TNS1: variants seen among roughly 807,000 people sequenced by gnomAD.
The protein encoded by TNS1 is tensin 1.
TNS1 carries 62 observed loss-of-function variants against 168.6 expected under a neutral mutation model. The ratio of observed to expected loss-of-function variants is 0.37; its 90% CI spans 0.30 to 0.45. TNS1 has a LOEUF of 0.45. Ranked by LOEUF, TNS1 falls within the 20% of genes least tolerant of loss-of-function variation. The probability of loss-of-function intolerance (pLI) is 1.00; values close to 1 mark genes in which losing one functional copy is unlikely to be tolerated. For synonymous variants in TNS1, 934 were observed against 933.2 expected (o/e 1.00, Z -0.02); for missense variants, 2,240 against 2,339.4 (o/e 0.96, Z 0.88).
chr2:217,906,278 CAT>C, intron 6 of TNS1, 55 bp downstream of exon 6: 2 of 668,880 alleles, frequency 3.0e-6, no homozygotes, highest in Non-Finnish European at 5.5e-6. Flanking sequence ...CACCCCACCC[CAT>C]TCCCCCTGGC....
rs761837861 is a variant in TNS1, at chr2:217,848,275, A to T, written c.2242T>A (p.Ser748Thr). The T allele has an allele frequency of 2.5e-5, 38 of 1,548,830 alleles. No individual in the cohort carries two copies. The highest frequency in any genetic ancestry group is 3.3e-5 in the Non-Finnish European group (38 of 1,147,094). Reference sequence around the variant, plus strand: ...GGGGGCAGCTGGGGTTCAGCTTCCGAAAAGGATTGAGAGCGGAACATACCG... The same window carrying T: ...GGGGGCAGCTGGGGTTCAGCTTCCGTAAAGGATTGAGAGCGGAACATACCG... ...PSGMFRSQSF[S>T]EAEPQLPPAP... The change falls in exon 19 of 33, where the codon TCG becomes ACG. Residue 748 changes from serine (S) to threonine (T), a missense_variant. Coordinates refer to ENST00000682258, the MANE Select transcript of TNS1 (RefSeq NM_001387777.1).
At chr2:217,812,694 C>T (rs1397260693) in intron 27 of TNS1, among the ~76,000 whole-genome samples, 2 of 152,170 alleles carry the variant, frequency 1.3e-5, no homozygotes, top group African/African-American at 2.4e-5. Flanking sequence ...CTCCTAACAT[C>T]GCTCCTAATG....
intron 6 of TNS1, among the ~76,000 whole-genome samples, chr2:217,906,118 G>A (rs564953595): frequency 6.6e-5 from 10 of 152,168 alleles, no homozygotes; most frequent in African/African-American, 1.7e-4. Context: ...TGGCGCAGTC[G>A]CTGATGAATG....
chr2:217,980,135 T>A lies in TNS1; in HGVS notation c.149-1333A>T, dbSNP rs574532250. 3.3e-5 allele frequency among the ~76,000 whole-genome samples: 5 copies of A among 152,126 alleles called. 1 individual carries two copies. In the South Asian group the frequency reaches 1.0e-3, roughly 32 times the overall value. On this transcript the variant is annotated intron_variant, in intron 2 of 32. Transcript: ENST00000682258. The stretch of plus-strand genomic sequence containing the variant: ...CTTGGCCACTGGCCCTAACATGGGA[T>A]CTTCTTCTCTCAGAACCTAGTCCTG...
chr2:217,957,190 T>C (rs1271166598), intron 3 of TNS1, among the ~76,000 whole-genome samples: 2 of 151,496 alleles, frequency 1.3e-5, no homozygotes, highest in Non-Finnish European at 2.9e-5. Flanking sequence ...AGTGGCCCCA[T>C]GGTGGCCAGC....
At chr2:217,940,659 C>T (rs1431563122) in intron 3 of TNS1, among the ~76,000 whole-genome samples, 2 of 152,158 alleles carry the variant, frequency 1.3e-5, no homozygotes, top group Non-Finnish European at 2.9e-5. Context: ...TGAGGGGGCT[C>T]CCCTGGTCGG....
At chr2:217,862,653 A>G (rs1948891045) in intron 18 of TNS1, among the ~76,000 whole-genome samples, 1 of 127,980 alleles carries the variant, frequency 7.8e-6, no homozygotes, top group South Asian at 2.3e-4. Context: ...ACCCGATTTC[A>G]TCTGTCCAAG....
In TNS1 at chr2:217,802,853, A is replaced by G. The variant is rs1937671408; in HGVS notation, c.*1606T>C. ...GTATGTCTCATGTATATATTATATA[A>G]TATTTATATATCAGTACAATGCCTC... On this transcript the variant is annotated 3_prime_UTR_variant, in exon 33 of 33. Coordinates refer to ENST00000682258, the MANE Select transcript of TNS1 (RefSeq NM_001387777.1). 1 of 152,628 alleles carries G rather than the reference A, an allele frequency of 6.6e-6. No individual in the cohort carries two copies. Among genetic ancestry groups the G allele is most frequent in the African/African-American group, 2.4e-5 (1 of 41,434 alleles). 9.5% of individuals were successfully genotyped at this position (152,628 alleles called of 1,614,324 possible).
chr2:217,847,625 G>T lies in TNS1; in HGVS notation c.2892C>A (p.Leu964=). The change falls in exon 19 of 33, where the codon CTC becomes CTA. Residue 964 remains leucine, a synonymous_variant. Transcript: ENST00000682258. ...PPGPQQPPAS[L]PGLTAQPLLS... is the part of the protein sequence containing the mutation. ...GCAGAGGCTGAGCAGTGAGGCCAGG[G>T]AGAGAGGCTGGGGGTTGCTGAGGCC... 1.3e-6 allele frequency: 2 copies of T among 1,579,778 alleles called. No homozygotes were observed. Among genetic ancestry groups the T allele is most frequent in the Non-Finnish European group, 1.7e-6 (2 of 1,154,992 alleles).
upstream of TNS1, among the ~76,000 whole-genome samples, chr2:218,003,634 T>C (rs140175743): frequency 2.0e-5 from 3 of 152,064 alleles, no homozygotes; most frequent in East Asian, 3.9e-4. Context: ...TCTTTTTTTT[T>C]CCCCCTTCTT....
intron 9 of TNS1, 78 bp downstream of exon 9, chr2:217,894,928 T>G: frequency 2.2e-6 from 3 of 1,372,262 alleles, no homozygotes; most frequent in African/African-American, 1.4e-5. Context: ...TTCCCCAAGA[T>G]TATTATGTGG....
At chr2:218,002,421 C>T (rs903248217) in intron 1 of TNS1, among the ~76,000 whole-genome samples, 12 of 152,176 alleles carry the variant, frequency 7.9e-5, no homozygotes, top group Non-Finnish European at 1.3e-4. Flanking sequence ...TTCTTTGCTC[C>T]CCAGCCCCAC....
In TNS1 at chr2:217,804,402, G is replaced by A. The variant is rs1938003167; in HGVS notation, c.*57C>T. The A allele has an allele frequency of 6.2e-7, 1 of 1,603,124 alleles. No homozygotes were observed. The highest frequency in any genetic ancestry group is 8.5e-7 in the Non-Finnish European group (1 of 1,174,132). ...GGTTCAAGAGTGGTCAGGATTCATG[G>A]GTCCCCTCCCCACAAGCCCCTTCCC... On this transcript the variant is annotated 3_prime_UTR_variant, in exon 33 of 33. Coordinates refer to ENST00000682258, the MANE Select transcript of TNS1 (RefSeq NM_001387777.1).
intron 30 of TNS1, among the ~76,000 whole-genome samples, chr2:217,809,026 CA>C (rs1939822115): frequency 6.6e-6 from 1 of 152,176 alleles, no homozygotes; most frequent in Non-Finnish European, 1.5e-5. Context: ...TCCTTTTTAT[CA>C]GTTGTATTTA....
upstream of TNS1, among the ~76,000 whole-genome samples, chr2:218,013,722 A>G (rs1390725845): frequency 6.6e-6 from 1 of 152,012 alleles, no homozygotes; most frequent in African/African-American, 2.4e-5. Context: ...CTCCTCAGCC[A>G]CAGAGTCCAG....
rs764968136 is a variant in TNS1 at position 217,893,534 on chromosome 2, G to A, written c.622C>T (p.His208Tyr). ...CAGATCTTCTCCAGGGCTGGGGTGT[G>A]GAGGTCGGGCCAGCCAAATTCCAGT... ...KVLEFGWPDLHTPALEKICSI... is the reference protein window; with the variant it reads ...KVLEFGWPDLYTPALEKICSI... The change falls in exon 10 of 33, where the codon CAC becomes TAC. Residue 208 changes from histidine (H) to tyrosine (Y), a missense_variant. By Grantham distance (83) the His-to-Tyr change is moderately conservative. Around this residue, in one of 2 missense-constraint regions of TNS1, gnomAD observed 2,131 missense variants for 2,171.2 expected, o/e 0.98. Coordinates refer to ENST00000682258, the MANE Select transcript of TNS1 (RefSeq NM_001387777.1). 4 of 1,612,650 alleles carry A rather than the reference G, an allele frequency of 2.5e-6. No individual in the cohort carries two copies. Among genetic ancestry groups the A allele is most frequent in the Middle Eastern group, 1.8e-4 (1 of 5,558 alleles).
At chr2:217,814,274 C>T (rs1941497912) in intron 25 of TNS1, among the ~76,000 whole-genome samples, 1 of 151,868 alleles carries the variant, frequency 6.6e-6, no homozygotes, top group African/African-American at 2.4e-5. Context: ...CCTTGGCCTC[C>T]TGAAGTGCTG....
At chr2:217,966,537 T>C (rs1293850195) in intron 3 of TNS1, among the ~76,000 whole-genome samples, 1 of 152,090 alleles carries the variant, frequency 6.6e-6, no homozygotes, top group African/African-American at 2.4e-5. Flanking sequence ...GAAGAGGCAT[T>C]TCCCAGGGCA....
intron 3 of TNS1, among the ~76,000 whole-genome samples, chr2:217,967,827 A>C (rs1957685713): frequency 6.6e-6 from 1 of 152,200 alleles, no homozygotes; most frequent in African/African-American, 2.4e-5. Context: ...ATGAGGCCAA[A>C]ACCAAAGATA....
Sources: allele counts gnomAD v4.1 joint callset (sites outside exome capture counted in the v4.1 genomes callset), GRCh38; gene constraint gnomAD v4.1.1; regional missense constraint gnomAD v4.1.1; transcripts MANE v1.5; gene names NCBI Gene and HGNC (gene_info 2026-07-23, HGNC 2026-07-21).